Variants in PHF21B observed in about 807,000 individuals in gnomAD.
The protein encoded by PHF21B is PHD finger protein 21B, also known as PHD finger protein 4.
In PHF21B, 22 loss-of-function variants were observed where a neutral mutation model predicts 62.2. The observed-to-expected ratio is 0.35, with a 90% confidence interval of 0.25 to 0.51. The LOEUF is 0.51. Ranked by LOEUF, PHF21B falls within the 20% of genes least tolerant of loss-of-function variation. The pLI is 0.97. For synonymous variants in PHF21B, 341 were observed against 314.7 expected (o/e 1.08, Z -0.88); for missense variants, 701 against 707.9 (o/e 0.99, Z 0.11).
intron 2 of PHF21B, chr22:44,933,561 G>C (rs913734461): frequency 4.1e-6 from 4 of 983,750 alleles, no homozygotes; most frequent in Non-Finnish European, 3.6e-6. Context: ...CGTGCTGCCC[G>C]CAACTCAACG....
chr22:44,885,551 C>A, intron 11 of PHF21B, 22 bp from the exon 12 acceptor site: 1 of 1,566,030 alleles, frequency 6.4e-7, no homozygotes, highest in South Asian at 1.2e-5. Flanking sequence ...AAGGCCAGGT[C>A]CCTGGAGAGG....
intron 4 of PHF21B, 30 bp downstream of exon 4, chr22:44,916,250 C>A (rs558812926): frequency 2.5e-6 from 4 of 1,596,604 alleles, no homozygotes; most frequent in Non-Finnish European, 3.4e-6. Flanking sequence ...GGCCGCACAC[C>A]CTTTCCGGAG....
At position 44,913,999 on chromosome 22, in the gene PHF21B, T is replaced by TGGTGAGGGAGGGGTGAG; in HGVS notation, c.653_654insCTCACCCCTCCCTCACC (p.Leu220ProfsTer70). ...CATGGAGGGGTGAAGGGGACAGTGATGGGGAGGGAGGGGTGAGGGGAAGAG... is the reference window on the plus strand; with the variant it reads ...CATGGAGGGGTGAAGGGGACAGTGATGGTGAGGGAGGGGTGAGGGGGAGGGAGGGGTGAGGGGAAGAG... On this transcript the variant is annotated frameshift_variant, in exon 5 of 13. Coordinates refer to ENST00000313237, the MANE Select transcript of PHF21B (RefSeq NM_138415.5). LOFTEE classifies it high-confidence loss of function. 4.8e-6 allele frequency: 2 copies of TGGTGAGGGAGGGGTGAG among 416,824 alleles called. No homozygotes were observed. Among genetic ancestry groups the TGGTGAGGGAGGGGTGAG allele is most frequent in the Non-Finnish European group, 7.3e-6 (2 of 274,534 alleles). The allele number at this position is 416,824 out of a possible 1,614,324, so 25.8% of individuals were successfully genotyped here. A position where few individuals can be genotyped will look rare whatever the true frequency, so the allele number is the denominator to read the frequency against.
chr22:44,958,936 C>T (rs900562089), intron 2 of PHF21B, among the ~76,000 whole-genome samples: 3 of 152,056 alleles, frequency 2.0e-5, no homozygotes, highest in Non-Finnish European at 4.4e-5. Flanking sequence ...CCACCGCACC[C>T]GGCCCCTCCT....
chr22:44,959,807 T>C (rs1280790159), intron 2 of PHF21B, among the ~76,000 whole-genome samples: 3 of 152,186 alleles, frequency 2.0e-5, no homozygotes, highest in Non-Finnish European at 4.4e-5. Flanking sequence ...ATGGCTTCAG[T>C]TGAGACCAGA....
intron 2 of PHF21B, among the ~76,000 whole-genome samples, chr22:44,953,929 G>A (rs1232504678): frequency 6.6e-6 from 1 of 152,232 alleles, no homozygotes; most frequent in Non-Finnish European, 1.5e-5. Context: ...CACCCCGCCA[G>A]GAGAGGTGAA....
chr22:44,891,065 T>A (rs934969457), intron 8 of PHF21B, among the ~76,000 whole-genome samples: 2 of 152,180 alleles, frequency 1.3e-5, no homozygotes, highest in Admixed American at 1.3e-4. Context: ...TCGGTCACGC[T>A]CACACCTATG....
chr22:44,989,310 A>G (rs1256537259), intron 2 of PHF21B: 1 of 152,122 alleles, frequency 6.6e-6, no homozygotes, highest in Non-Finnish European at 1.5e-5. Context: ...GCTGCCTCCA[A>G]TCTCAGCTTG....
At chr22:44,976,280 TATCC>T (rs2072737057) in intron 2 of PHF21B, among the ~76,000 whole-genome samples, 1 of 152,234 alleles carries the variant, frequency 6.6e-6, no homozygotes, top group Admixed American at 6.5e-5. Context: ...GTATTTAGCA[TATCC>T]ATCGCCTCAT....
chr22:44,998,776 T>C (rs1357116821), intron 2 of PHF21B, among the ~76,000 whole-genome samples: 1 of 152,168 alleles, frequency 6.6e-6, no homozygotes, highest in African/African-American at 2.4e-5. Context: ...TTATTGTTAA[T>C]AAAATAGTAC....
At position 44,916,380 on chromosome 22, in the gene PHF21B, G is replaced by A. The variant is rs2071433651; in HGVS notation, c.464C>T (p.Thr155Ile). Residue 155 changes from threonine to isoleucine, a missense_variant, in exon 4 of 13, where the codon ACC becomes ATC. Physicochemically the swap from Thr to Ile is moderately conservative, Grantham distance 89. Transcript: ENST00000313237. ...CATGGCGGCGGCATTGCTGGGGGAG[G>A]TGGAGATGATGGCGTAGGCCACCCC... Reference protein sequence around the residue: ...SAGVAYAIISTSPSNAAAMAP... With the variant: ...SAGVAYAIISISPSNAAAMAP... The A allele has an allele frequency of 1.3e-6, 2 of 1,591,662 alleles. No homozygotes were observed.
chr22:45,001,371 T>G (rs1311669859), intron 2 of PHF21B: 1 of 152,302 alleles, frequency 6.6e-6, no homozygotes, highest in Non-Finnish European at 1.5e-5. Flanking sequence ...CAGCAGCGAG[T>G]GTGCAATCTG....
intron 5 of PHF21B, among the ~76,000 whole-genome samples, chr22:44,903,745 A>G (rs1024745234): frequency 3.9e-5 from 6 of 152,234 alleles, no homozygotes; most frequent in Non-Finnish European, 8.8e-5. Flanking sequence ...GGTACACTTA[A>G]GTTCGTGACT....
intron 2 of PHF21B, among the ~76,000 whole-genome samples, chr22:44,956,820 G>A (rs922951376): frequency 2.0e-5 from 3 of 152,162 alleles, no homozygotes; most frequent in Non-Finnish European, 2.9e-5. Flanking sequence ...CCCTCCACGC[G>A]GTGGGCTCTC....
intron 5 of PHF21B, among the ~76,000 whole-genome samples, chr22:44,912,879 A>AAAAAAAAAAAG (rs66939775): frequency 3.1e-5 from 1 of 31,926 alleles, no homozygotes; most frequent in East Asian, 1.2e-3. Context: ...ACTCTATCTC[A>AAAAAAAAAAAG]AAAAAAAAAA....
chr22:44,899,706 A>G (rs2071124518), intron 5 of PHF21B, among the ~76,000 whole-genome samples: 2 of 150,974 alleles, frequency 1.3e-5, no homozygotes, highest in Non-Finnish European at 2.9e-5. Flanking sequence ...TTTTCCTTAA[A>G]TATTGAATAT....
chr22:44,906,766 C>A (rs1001707529), intron 5 of PHF21B, among the ~76,000 whole-genome samples: 1 of 152,318 alleles, frequency 6.6e-6, no homozygotes, highest in African/African-American at 2.4e-5. Flanking sequence ...TAATTCCTGC[C>A]CCCCGCTACT....
At position 44,881,226 on chromosome 22, in the gene PHF21B, C is replaced by T. The variant is rs563084163; in HGVS notation, c.*1860G>A. 1 of 152,750 alleles carries T rather than the reference C, an allele frequency of 6.5e-6. No individual in the cohort carries two copies. Among genetic ancestry groups the T allele is most frequent in the East Asian group, 1.9e-4 (1 of 5,186 alleles). The allele number at this position is 152,750 out of a possible 1,614,324, so 9.5% of individuals were successfully genotyped here. A position where few individuals can be genotyped will look rare whatever the true frequency, so the allele number is the denominator to read the frequency against. Reference sequence around the variant, plus strand: ...GAAAACTACATTGGCGTATTTAAGACAAACACTTTTTCTCTATCCTCACTA... The same window carrying T: ...GAAAACTACATTGGCGTATTTAAGATAAACACTTTTTCTCTATCCTCACTA... On this transcript the variant is annotated 3_prime_UTR_variant, in exon 13 of 13. Coordinates refer to ENST00000313237, the MANE Select transcript of PHF21B (RefSeq NM_138415.5).
intron 2 of PHF21B, among the ~76,000 whole-genome samples, chr22:44,987,431 C>T (rs2072970481): frequency 6.6e-6 from 1 of 152,196 alleles, no homozygotes; most frequent in Non-Finnish European, 1.5e-5. Context: ...TTCTGCTTCA[C>T]ACTTCCAGGT....
Sources: allele counts gnomAD v4.1 joint callset (sites outside exome capture counted in the v4.1 genomes callset), GRCh38; gene constraint gnomAD v4.1.1; transcripts MANE v1.5; gene names NCBI Gene and HGNC (gene_info 2026-07-23, HGNC 2026-07-21).